LRRC70: variants seen among roughly 807,000 people sequenced by gnomAD.
LRRC70 encodes the protein leucine-rich repeat-containing protein 70.
A neutral mutation model predicts 42.4 loss-of-function variants in LRRC70; 31 were observed. The observed-to-expected ratio is 0.73, with a 90% CI of 0.55 to 0.99. The LOEUF (loss-of-function observed/expected upper bound fraction) is 0.99, where lower values mean the gene tolerates loss of function less well. Among genes scored for constraint, LRRC70 ranks in the 50% least tolerant of loss-of-function variants. LRRC70 has a pLI of 0.00. For missense variants in LRRC70, 643 were observed against 707.5 expected (o/e 0.91, Z 1.03); for synonymous variants, 270 against 262.9 (o/e 1.03, Z -0.26).
At position 62,580,833 on chromosome 5, in the gene LRRC70, A is replaced by AT. The variant is rs1466486529; in HGVS notation, c.1401dup (p.Gln468SerfsTer7). On this transcript the variant is annotated frameshift_variant, in exon 2 of 2. Transcript: ENST00000334994. LOFTEE classifies it high-confidence loss of function. ...GAATTCCTACTTCACCTGCTGGTAG[A>AT]TTTTTTCAAGAGAATGCCTTTGGTA... 6.4e-6 allele frequency: 10 copies of AT among 1,551,230 alleles called. No homozygotes were observed. In the Admixed American group the frequency reaches 1.6e-4, roughly 24 times the overall value.
Position 62,580,133 on chromosome 5 carries a change from G to A in LRRC70, c.695G>A (p.Arg232Lys). Reference sequence around the variant, plus strand: ...TTTGAAGTACTTAAAAGTCTTAGAAGACTTTCTTTGTCTCATAATCCTATT... The same window carrying A: ...TTTGAAGTACTTAAAAGTCTTAGAAAACTTTCTTTGTCTCATAATCCTATT... ...NAFEVLKSLR[R>K]LSLSHNPIEA... is the part of the protein sequence containing the mutation. Residue 232 changes from arginine to lysine, a missense_variant, in exon 2 of 2, where the codon AGA becomes AAA. By Grantham distance (26) the Arg-to-Lys change is conservative. Transcript: ENST00000334994. 1 of 1,551,018 alleles carries A rather than the reference G, an allele frequency of 6.4e-7. No homozygotes were observed. The highest frequency in any genetic ancestry group is 2.0e-5 in the Admixed American group (1 of 50,946).
rs566101487 is a variant in LRRC70 at position 62,581,109 on chromosome 5, G to A, written c.1671G>A (p.Lys557=). 18 of 1,549,372 alleles carry A rather than the reference G, an allele frequency of 1.2e-5. No individual in the cohort carries two copies. The East Asian group carries it at 4.2e-4, about 36-fold the overall frequency. Residue 557 remains lysine (K), a synonymous_variant, in exon 2 of 2, where the codon AAG becomes AAA. Coordinates refer to ENST00000334994, the MANE Select transcript of LRRC70 (RefSeq NM_181506.5). Reference sequence around the variant, plus strand: ...TTGTTCAGTTTAAACAAAAACTAAAGGCATCAGAAAACTCAAGGGAAAATA... The same window carrying A: ...TTGTTCAGTTTAAACAAAAACTAAAAGCATCAGAAAACTCAAGGGAAAATA... ...YKVVQFKQKL[K]ASENSRENRL...
chr5:62,579,594 G>A lies in LRRC70; in HGVS notation c.156G>A (p.Ser52=). The change falls in exon 2 of 2, where the codon TCG becomes TCA. Residue 52 remains serine (S), a synonymous_variant. Transcript: ENST00000334994. ...RQINCRNLGL[S]SIPKNFPEST... ...TTAACTGCCGTAACTTAGGCCTTTC[G>A]AGTATTCCTAAGAATTTTCCTGAAA... 2 of 1,551,022 alleles carry A rather than the reference G, an allele frequency of 1.3e-6. No homozygotes were observed. Among genetic ancestry groups the A allele is most frequent in the Non-Finnish European group, 1.7e-6 (2 of 1,146,570 alleles).
At chr5:62,579,349 A>T (rs1744450497) in intron 1 of LRRC70, 52 bp from the exon 2 acceptor site, 21 of 1,170,792 alleles carry the variant, frequency 1.8e-5, no homozygotes, top group Non-Finnish European at 2.6e-5. Context: ...TATAAAAAAA[A>T]TTCATTTGAT....
In LRRC70 at chr5:62,580,446, TCTTACAGC is replaced by T. The variant is rs1196525627; in HGVS notation, c.1012_1019del (p.Thr338AlafsTer6). The T allele has an allele frequency of 6.4e-7, 1 of 1,551,446 alleles. No individual in the cohort carries two copies. Among genetic ancestry groups the T allele is most frequent in the Admixed American group, 2.0e-5 (1 of 50,976 alleles). On this transcript the variant is annotated frameshift_variant, in exon 2 of 2. Transcript: ENST00000334994. LOFTEE classifies it high-confidence loss of function. Reference sequence around the variant, plus strand: ...AGATCCTTAATCTGTCATTTAATAATCTTACAGCCTTGCATCCAAGGGTCCTTAAGCCG... The same window carrying T: ...AGATCCTTAATCTGTCATTTAATAATCTTGCATCCAAGGGTCCTTAAGCCG...
At position 62,581,278 on chromosome 5, in the gene LRRC70, G is replaced by A; in HGVS notation, c.1840G>A (p.Val614Ile). 4 of 1,529,168 alleles carry A rather than the reference G, an allele frequency of 2.6e-6. No homozygotes were observed. Among genetic ancestry groups the A allele is most frequent in the Non-Finnish European group, 3.5e-6 (4 of 1,140,526 alleles). 94.7% of individuals were successfully genotyped at this position (1,529,168 alleles called of 1,614,324 possible). A position where few individuals can be genotyped will look rare whatever the true frequency, so the allele number is the denominator to read the frequency against. ...KQIVPENEAQVILFEHSAL is the reference protein window; with the variant it reads ...KQIVPENEAQIILFEHSAL ...AATTGTTCCTGAAAATGAGGCACAG[G>A]TCATTCTTTTTGAACATTCTGCTTT... is the stretch of plus-strand genomic sequence containing the variant. The change falls in exon 2 of 2, where the codon GTC (valine) becomes ATC (isoleucine). Residue 614 changes from valine (V) to isoleucine (I), a missense_variant. Physicochemically the swap from Val to Ile is conservative, Grantham distance 29. Coordinates refer to ENST00000334994, the MANE Select transcript of LRRC70 (RefSeq NM_181506.5).
At position 62,580,616 on chromosome 5, in the gene LRRC70, G is replaced by A. The variant is rs1744513682; in HGVS notation, c.1178G>A (p.Gly393Asp). The change falls in exon 2 of 2, where the codon GGC becomes GAC. Residue 393 changes from glycine (G) to aspartate (D), a missense_variant. Coordinates refer to ENST00000334994, the MANE Select transcript of LRRC70 (RefSeq NM_181506.5). ...TGTCAGAATCCCCCATCCATGCGTG[G>A]CAGAGCATTACGTTATATTAACATT... ...IYCQNPPSMR[G>D]RALRYINITN... is the part of the protein sequence containing the mutation. 1 of 1,551,260 alleles carries A rather than the reference G, an allele frequency of 6.4e-7. No homozygotes were observed. Among genetic ancestry groups the A allele is most frequent in the South Asian group, 1.2e-5 (1 of 84,052 alleles).
rs369335085 is a variant in LRRC70, at chr5:62,580,963, A to G, written c.1525A>G (p.Met509Val). The change falls in exon 2 of 2, where the codon ATG becomes GTG. Residue 509 changes from methionine to valine, a missense_variant. By Grantham distance (21) the Met-to-Val change is conservative. Coordinates refer to ENST00000334994, the MANE Select transcript of LRRC70 (RefSeq NM_181506.5). ...TGCTCTACCGAATGATGCTGCTTCAATGTCAGGGAAAACATCTCTAATTTG... is the reference window on the plus strand; with the variant it reads ...TGCTCTACCGAATGATGCTGCTTCAGTGTCAGGGAAAACATCTCTAATTTG... Reference protein sequence around the residue: ...NSALPNDAASMSGKTSLICTQ... With the variant: ...NSALPNDAASVSGKTSLICTQ... The G allele has an allele frequency of 2.4e-5, 37 of 1,551,198 alleles. No homozygotes were observed. The highest frequency in any genetic ancestry group is 4.1e-5 in the African/African-American group (3 of 73,150).
Position 62,580,385 on chromosome 5 carries a change from A to G in LRRC70, c.947A>G (p.Asp316Gly), listed in dbSNP as rs1310989561. The G allele has an allele frequency of 2.2e-5, 34 of 1,548,718 alleles. No homozygotes were observed. Among genetic ancestry groups the G allele is most frequent in the Non-Finnish European group, 2.9e-5 (33 of 1,144,442 alleles). ...KLDRNRIISI[D>G]NDTFENMGAS... ...GATAGAAACAGAATAATTAGCATTG[A>G]TAATGATACATTTGAAAATATGGGA... The change falls in exon 2 of 2, where the codon GAT becomes GGT. Residue 316 changes from aspartate to glycine, a missense_variant. By Grantham distance (94) the Asp-to-Gly change is moderately conservative (BLOSUM62 -1). Transcript: ENST00000334994.
rs1390142691 is a variant in LRRC70 at position 62,580,069 on chromosome 5, T to C, written c.631T>C (p.Leu211=). Residue 211 remains leucine, a synonymous_variant, in exon 2 of 2, where the codon TTA becomes CTA. Transcript: ENST00000334994. ...QHLENLACLY[L]GSNNLTKVPS... ...TCTTGAAAACCTTGCTTGTTTGTATTTAGGAAGTAATAATTTAACAAAAGT... is the reference window on the plus strand; with the variant it reads ...TCTTGAAAACCTTGCTTGTTTGTATCTAGGAAGTAATAATTTAACAAAAGT... 1 of 1,551,030 alleles carries C rather than the reference T, an allele frequency of 6.4e-7. No homozygotes were observed. Among genetic ancestry groups the C allele is most frequent in the African/African-American group, 1.4e-5 (1 of 73,008 alleles).
At position 62,580,255 on chromosome 5, in the gene LRRC70, A is replaced by G. The variant is rs1004602264; in HGVS notation, c.817A>G (p.Ser273Gly). 1 of 1,544,916 alleles carries G rather than the reference A, an allele frequency of 6.5e-7. No individual in the cohort carries two copies. The highest frequency in any genetic ancestry group is 1.4e-5 in the African/African-American group (1 of 72,962). ...RIRNVTRDGFSGINNLKHLIL... is the reference protein window; with the variant it reads ...RIRNVTRDGFGGINNLKHLIL... ...TAGGAATGTTACTAGGGATGGGTTTAGTGGAATTAATAATCTTAAACATTT... is the reference window on the plus strand; with the variant it reads ...TAGGAATGTTACTAGGGATGGGTTTGGTGGAATTAATAATCTTAAACATTT... The change falls in exon 2 of 2, where the codon AGT (serine) becomes GGT (glycine). Residue 273 changes from serine (S) to glycine (G), a missense_variant. Transcript: ENST00000334994.
chr5:62,579,942 C>T lies in LRRC70; in HGVS notation c.504C>T (p.Leu168=). ...VQYLNLQRNR[L]TVLGSGTFVG... ...ACTTAAATCTACAAAGGAATCGCCT[C>T]ACTGTCCTTGGGAGTGGTACCTTTG... Residue 168 remains leucine, a synonymous_variant, in exon 2 of 2, where the codon CTC becomes CTT. Transcript: ENST00000334994. 1.3e-6 allele frequency: 2 copies of T among 1,551,280 alleles called. No individual in the cohort carries two copies. The highest frequency in any genetic ancestry group is 8.7e-7 in the Non-Finnish European group (1 of 1,146,752).
At chr5:62,579,380 C>T (rs1396196926) in intron 1 of LRRC70, 21 bp from the exon 2 acceptor site, 2 of 1,483,134 alleles carry the variant, frequency 1.3e-6, no homozygotes, top group African/African-American at 1.4e-5. Flanking sequence ...TGATTTAAAG[C>T]TTTACCTTCT....
chr5:62,580,802 G>A lies in LRRC70; in HGVS notation c.1364G>A (p.Trp455Ter). 6.4e-7 allele frequency: 1 copy of A among 1,551,322 alleles called. No individual in the cohort carries two copies. The highest frequency in any genetic ancestry group is 8.7e-7 in the Non-Finnish European group (1 of 1,146,844). Residue 455 changes from tryptophan (W) to a stop codon, truncating the protein, a stop_gained, in exon 2 of 2, where the codon TGG becomes TAG. Transcript: ENST00000334994. LOFTEE classifies it high-confidence loss of function. ...ENTETENITFWERIPTSPAGR... is the reference protein window; with the variant it reads ...ENTETENITF ...ACTGAGACTGAGAACATTACTTTCT[G>A]GGAACGAATTCCTACTTCACCTGCT...
chr5:62,579,944 C>T lies in LRRC70; in HGVS notation c.506C>T (p.Thr169Ile), dbSNP rs1744482534. The change falls in exon 2 of 2, where the codon ACT (threonine) becomes ATT (isoleucine). Residue 169 changes from threonine to isoleucine, a missense_variant. Coordinates refer to ENST00000334994, the MANE Select transcript of LRRC70 (RefSeq NM_181506.5). ...TTAAATCTACAAAGGAATCGCCTCA[C>T]TGTCCTTGGGAGTGGTACCTTTGTT... ...QYLNLQRNRL[T>I]VLGSGTFVGM... 1.9e-6 allele frequency: 3 copies of T among 1,551,268 alleles called. No individual in the cohort carries two copies. The highest frequency in any genetic ancestry group is 2.6e-6 in the Non-Finnish European group (3 of 1,146,726).
At position 62,579,727 on chromosome 5, in the gene LRRC70, C is replaced by G. The variant is rs778356445; in HGVS notation, c.289C>G (p.Leu97Val). ...VALYLDNSNI[L>V]YVYPKAFVQL... ...ATTGTATTTGGATAATTCTAACATT[C>G]TGTATGTATATCCAAAAGCCTTTGT... The change falls in exon 2 of 2, where the codon CTG (leucine) becomes GTG (valine). Residue 97 changes from leucine (L) to valine (V), a missense_variant. Transcript: ENST00000334994. 6.5e-7 allele frequency: 1 copy of G among 1,547,942 alleles called. No individual in the cohort carries two copies. The highest frequency in any genetic ancestry group is 1.4e-5 in the African/African-American group (1 of 72,782).
At position 62,580,888 on chromosome 5, in the gene LRRC70, G is replaced by C; in HGVS notation, c.1450G>C (p.Val484Leu). ...NPLETTAVLP[V>L]QIQLTTSVTL... ...ATTAGAGACTACAGCAGTGTTACCT[G>C]TGCAAATACAACTTACTACTTCTGT... The change falls in exon 2 of 2, where the codon GTG becomes CTG. Residue 484 changes from valine to leucine, a missense_variant. Physicochemically the swap from Val to Leu is conservative, Grantham distance 32 (BLOSUM62 1). Transcript: ENST00000334994. The C allele has an allele frequency of 6.4e-7, 1 of 1,551,320 alleles. No individual in the cohort carries two copies. The highest frequency in any genetic ancestry group is 8.7e-7 in the Non-Finnish European group (1 of 1,146,840).
chr5:62,580,195 A>T lies in LRRC70; in HGVS notation c.757A>T (p.Asn253Tyr), dbSNP rs1290313293. The T allele has an allele frequency of 6.4e-7, 1 of 1,551,124 alleles. No individual in the cohort carries two copies. The highest frequency in any genetic ancestry group is 2.4e-5 in the East Asian group (1 of 40,892). ...GCCCTTTGCATTTAAAGGACTTGCC[A>T]ATCTGGAATACCTCCTCCTGAAAAA... The part of the protein sequence containing the change: ...IQPFAFKGLA[N>Y]LEYLLLKNSR... The change falls in exon 2 of 2, where the codon AAT (asparagine) becomes TAT (tyrosine). Residue 253 changes from asparagine to tyrosine, a missense_variant. Physicochemically the swap from Asn to Tyr is moderately radical, Grantham distance 143 (BLOSUM62 -2). Transcript: ENST00000334994.
In LRRC70 at chr5:62,580,619, G is replaced by C. The variant is rs139239583; in HGVS notation, c.1181G>C (p.Arg394Thr). The C allele has an allele frequency of 1.7e-5, 26 of 1,551,448 alleles. No individual in the cohort carries two copies. The highest frequency in any genetic ancestry group is 1.5e-4 in the East Asian group (6 of 40,912). ...YCQNPPSMRG[R>T]ALRYINITNC... The stretch of plus-strand genomic sequence containing the variant: ...CAGAATCCCCCATCCATGCGTGGCA[G>C]AGCATTACGTTATATTAACATTACA... The change falls in exon 2 of 2, where the codon AGA becomes ACA. Residue 394 changes from arginine to threonine, a missense_variant. By Grantham distance (71) the Arg-to-Thr change is moderately conservative (BLOSUM62 -1). Transcript: ENST00000334994.
Sources: allele counts gnomAD v4.1 joint callset, GRCh38; gene constraint gnomAD v4.1.1; transcripts MANE v1.5; gene names NCBI Gene and HGNC (gene_info 2026-07-23, HGNC 2026-07-21).